PDLIM5: variants seen among roughly 807,000 people sequenced by gnomAD.
The protein encoded by PDLIM5 is PDZ and LIM domain protein 5.
Under a neutral mutation model 64.2 loss-of-function variants are expected in PDLIM5, and 34 were observed. The observed-to-expected ratio is 0.53, with a 90% CI of 0.40 to 0.71. PDLIM5 has a LOEUF of 0.71. Ranked by LOEUF, PDLIM5 falls within the 30% of genes least tolerant of loss-of-function variation. The pLI is 0.00. For synonymous variants in PDLIM5, 253 were observed against 269.1 expected (o/e 0.94, Z 0.59); for missense variants, 683 against 733.6 (o/e 0.93, Z 0.80).
At chr4:94,496,325 A>G (rs147866698) in intron 2 of PDLIM5, among the ~76,000 whole-genome samples, 1 of 152,326 alleles carries the variant, frequency 6.6e-6, no homozygotes, top group East Asian at 1.9e-4. Context: ...TGATCAGTAC[A>G]AGATTTTTTC....
intron 8 of PDLIM5, among the ~76,000 whole-genome samples, chr4:94,632,125 G>A (rs185034447): frequency 2.6e-4 from 40 of 152,298 alleles, no homozygotes; most frequent in South Asian, 2.1e-3. Context: ...CACCTTTCTG[G>A]CAGTTATCCC....
chr4:94,608,205 A>G (rs1353334740), intron 7 of PDLIM5: 1 of 1,493,280 alleles, frequency 6.7e-7, no homozygotes, highest in South Asian at 1.2e-5. Context: ...TGGTGTTTCT[A>G]AATTTCAAAG....
intron 2 of PDLIM5, among the ~76,000 whole-genome samples, chr4:94,467,807 T>C (rs1341534772): frequency 1.3e-5 from 2 of 152,214 alleles, no homozygotes; most frequent in Non-Finnish European, 2.9e-5. Context: ...TTTAGTGCCC[T>C]GCACAACAAA....
At chr4:94,571,883 A>C (rs1253162097) in intron 3 of PDLIM5, among the ~76,000 whole-genome samples, 2 of 152,242 alleles carry the variant, frequency 1.3e-5, no homozygotes, top group Non-Finnish European at 2.9e-5. Context: ...GAAGTTGTCT[A>C]TTAAATAGTA....
chr4:94,516,125 C>T (rs1729335350), intron 2 of PDLIM5, among the ~76,000 whole-genome samples: 1 of 152,130 alleles, frequency 6.6e-6, no homozygotes, highest in Non-Finnish European at 1.5e-5. Context: ...AATAAGGGCT[C>T]ATCATAGGAA....
At chr4:94,608,759 T>C (rs1275023499) in intron 7 of PDLIM5, among the ~76,000 whole-genome samples, 3 of 152,218 alleles carry the variant, frequency 2.0e-5, no homozygotes, top group African/African-American at 7.2e-5. Flanking sequence ...TAGTAACCAT[T>C]GTCTCAGAGA....
At chr4:94,516,035 C>T (rs570523519) in intron 2 of PDLIM5, among the ~76,000 whole-genome samples, 2 of 152,252 alleles carry the variant, frequency 1.3e-5, no homozygotes, top group Non-Finnish European at 2.9e-5. Context: ...TGAGGCATCT[C>T]AATAGTAAAT....
chr4:94,470,100 G>C (rs1201852779), intron 2 of PDLIM5, among the ~76,000 whole-genome samples: 8 of 151,572 alleles, frequency 5.3e-5, no homozygotes, highest in Non-Finnish European at 2.9e-5. Flanking sequence ...CCCAGTAGCC[G>C]GGAGTACAGG....
intron 5 of PDLIM5, 112 bp from the exon 6 acceptor site, chr4:94,585,452 TA>T: frequency 4.5e-6 from 3 of 660,696 alleles, no homozygotes; most frequent in Non-Finnish European, 6.8e-6. Flanking sequence ...ACTGTTTATA[TA>T]AAAGGAATAT....
In PDLIM5 at chr4:94,618,129, T is replaced by C; in HGVS notation, c.1046T>C (p.Phe349Ser). ...GVTSLTAAAA[F>S]KPVGSTGVIK... ...ACCAGCCTCACAGCTGCAGCTGCCT[T>C]CAAGCCTGTAGGATCCACTGGCGTC... is the stretch of plus-strand genomic sequence containing the variant. Residue 349 changes from phenylalanine to serine, a missense_variant, in exon 8 of 13, where the codon TTC (phenylalanine) becomes TCC (serine). By Grantham distance (155) the Phe-to-Ser change is radical (BLOSUM62 -2). Coordinates refer to ENST00000317968, the MANE Select transcript of PDLIM5 (RefSeq NM_006457.5). The C allele has an allele frequency of 8.7e-6, 14 of 1,612,388 alleles. No individual in the cohort carries two copies. Among genetic ancestry groups the C allele is most frequent in the Non-Finnish European group, 1.2e-5 (14 of 1,179,226 alleles).
chr4:94,591,451 C>T (rs148887553), intron 7 of PDLIM5, among the ~76,000 whole-genome samples: 72 of 152,326 alleles, frequency 4.7e-4, no homozygotes, highest in Middle Eastern at 3.4e-3. Flanking sequence ...TCAGATACCA[C>T]TTCAGTGGAG....
chr4:94,536,728 T>C (rs535035968), intron 3 of PDLIM5, among the ~76,000 whole-genome samples: 2 of 152,228 alleles, frequency 1.3e-5, no homozygotes, highest in African/African-American at 2.4e-5. Flanking sequence ...CTGGTCATTG[T>C]CCTTTAGTTA....
chr4:94,654,401 C>A (rs932567396), intron 9 of PDLIM5, 59 bp from the exon 10 acceptor site: 1 of 1,119,538 alleles, frequency 8.9e-7, no homozygotes, highest in Non-Finnish European at 1.4e-6. Context: ...AGGTCCATAT[C>A]CAGGCTAACT....
chr4:94,528,912 A>G (rs1055795970), intron 3 of PDLIM5, among the ~76,000 whole-genome samples: 4 of 152,196 alleles, frequency 2.6e-5, no homozygotes, highest in South Asian at 2.1e-4. Context: ...GCAGTTTCCC[A>G]GGGAATTGCA....
intron 7 of PDLIM5, among the ~76,000 whole-genome samples, chr4:94,612,167 G>A (rs922140703): frequency 3.3e-5 from 5 of 152,132 alleles, no homozygotes; most frequent in East Asian, 1.9e-4. Context: ...GCAGTGAGCC[G>A]AAATTGCGCC....
At chr4:94,657,711 T>A (rs1233568868) in intron 11 of PDLIM5, among the ~76,000 whole-genome samples, 164 bp downstream of exon 11, 3 of 152,186 alleles carry the variant, frequency 2.0e-5, no homozygotes, top group Non-Finnish European at 2.9e-5. Flanking sequence ...ATGTAGATTT[T>A]TTTTTTTCTT....
chr4:94,472,179 C>T (rs142644993), intron 2 of PDLIM5, among the ~76,000 whole-genome samples: 1,799 of 152,174 alleles, frequency 0.012, 39 homozygotes, highest in African/African-American at 0.041. Context: ...CACACACACG[C>T]ACACGCACCC....
intron 2 of PDLIM5, among the ~76,000 whole-genome samples, chr4:94,495,330 A>C (rs142408123): frequency 6.6e-6 from 1 of 152,220 alleles, no homozygotes; most frequent in African/African-American, 2.4e-5. Context: ...GTTTTATACT[A>C]TCTAATGACA....
At chr4:94,626,257 A>G (rs567264611) in intron 8 of PDLIM5, among the ~76,000 whole-genome samples, 9 of 152,340 alleles carry the variant, frequency 5.9e-5, no homozygotes, top group African/African-American at 1.9e-4. Context: ...AATGATGACT[A>G]TCATTGATTA....
Sources: allele counts gnomAD v4.1 joint callset (sites outside exome capture counted in the v4.1 genomes callset), GRCh38; gene constraint gnomAD v4.1.1; transcripts MANE v1.5; gene names NCBI Gene and HGNC (gene_info 2026-07-23, HGNC 2026-07-21).